The following XKR6 variants were observed in gnomAD, a reference collection of about 807,000 sequenced individuals.
XKR6 encodes the protein XK related 6, also known as XK-related protein 6.
A neutral mutation model predicts 56.7 loss-of-function variants in XKR6; 22 were observed. The observed-to-expected ratio is 0.39, with a 90% confidence interval of 0.28 to 0.55. XKR6 has a LOEUF of 0.55. Among genes scored for constraint, XKR6 ranks in the 20% least tolerant of loss-of-function variants. XKR6 has a pLI of 0.66. For missense variants in XKR6, 852 were observed against 889.0 expected (o/e 0.96, Z 0.53); for synonymous variants, 524 against 387.8 (o/e 1.35, Z -4.13).
intron 1 of XKR6, among the ~76,000 whole-genome samples, chr8:11,172,655 G>T (rs1475895316): frequency 6.6e-6 from 1 of 152,168 alleles, no homozygotes. Context: ...AATTGGTAAT[G>T]TAGAAAGGAG....
At chr8:10,905,505 A>T (rs1278110510) in intron 2 of XKR6, among the ~76,000 whole-genome samples, 1 of 152,180 alleles carries the variant, frequency 6.6e-6, no homozygotes, top group African/African-American at 2.4e-5. Context: ...ATGTGGCCAC[A>T]GCCATATCCT....
chr8:10,995,445 T>G (rs980856492), intron 1 of XKR6, among the ~76,000 whole-genome samples: 1 of 147,514 alleles, frequency 6.8e-6, no homozygotes, highest in East Asian at 1.9e-4. Flanking sequence ...ACCCTATATC[T>G]AATATATATA....
intron 1 of XKR6, among the ~76,000 whole-genome samples, chr8:10,972,019 C>T (rs1240591678): frequency 6.6e-6 from 1 of 152,186 alleles, no homozygotes; most frequent in South Asian, 2.1e-4. Context: ...GGACCCTAGC[C>T]CCAGAAGTGA....
intron 1 of XKR6, among the ~76,000 whole-genome samples, chr8:11,170,328 A>T (rs77529812): frequency 0.031 from 4,754 of 152,344 alleles, 264 homozygotes; most frequent in African/African-American, 0.11. Flanking sequence ...AAAAGGATGA[A>T]CAAAATGTGG....
At chr8:11,060,450 C>T (rs148225875) in intron 1 of XKR6, among the ~76,000 whole-genome samples, 10 of 152,286 alleles carry the variant, frequency 6.6e-5, no homozygotes, top group Middle Eastern at 3.4e-3. Context: ...GCGCCACCCG[C>T]CGGGAACTAG....
At chr8:11,061,944 G>A (rs749264486) in intron 1 of XKR6, among the ~76,000 whole-genome samples, 3 of 152,134 alleles carry the variant, frequency 2.0e-5, no homozygotes, top group African/African-American at 4.8e-5. Context: ...TGTGTCCCTC[G>A]GCTGGCCCTG....
At chr8:11,133,128 G>T (rs1029732945) in intron 1 of XKR6, among the ~76,000 whole-genome samples, 2 of 152,152 alleles carry the variant, frequency 1.3e-5, no homozygotes, top group African/African-American at 4.8e-5. Flanking sequence ...GCATACAAGG[G>T]AGAGGGTGTG....
chr8:11,187,995 TAC>T (rs1353463377), intron 1 of XKR6, among the ~76,000 whole-genome samples: 4 of 152,218 alleles, frequency 2.6e-5, no homozygotes, highest in Admixed American at 6.5e-5. Context: ...CTTACAAAGT[TAC>T]ATAGTTTTAA....
At chr8:10,913,817 C>A (rs192668129) in intron 2 of XKR6, among the ~76,000 whole-genome samples, 5 of 152,210 alleles carry the variant, frequency 3.3e-5, no homozygotes, top group African/African-American at 1.2e-4. Context: ...ACCCAAAGTC[C>A]TTGGTGACTG....
intron 1 of XKR6, among the ~76,000 whole-genome samples, chr8:10,964,233 G>C (rs925200009): frequency 6.6e-6 from 1 of 152,190 alleles, no homozygotes; most frequent in Non-Finnish European, 1.5e-5. Flanking sequence ...GGTTGTGGGA[G>C]AAATGAATGG....
chr8:11,131,910 T>C (rs1800121969), intron 1 of XKR6, among the ~76,000 whole-genome samples: 1 of 152,182 alleles, frequency 6.6e-6, no homozygotes. Context: ...TTTGTGTATG[T>C]CAGTCCATGA....
At chr8:11,143,724 A>G (rs1203328333) in intron 1 of XKR6, among the ~76,000 whole-genome samples, 1 of 152,182 alleles carries the variant, frequency 6.6e-6, no homozygotes, top group Non-Finnish European at 1.5e-5. Context: ...GGGAGTTTCT[A>G]ATTTCCTGCT....
chr8:11,180,129 G>A (rs1802891147), intron 1 of XKR6, among the ~76,000 whole-genome samples: 1 of 152,108 alleles, frequency 6.6e-6, no homozygotes, highest in African/African-American at 2.4e-5. Flanking sequence ...GACAGACTGA[G>A]ACCCTGTCTC....
chr8:10,983,868 G>T (rs1053081123), intron 1 of XKR6, among the ~76,000 whole-genome samples: 17 of 152,036 alleles, frequency 1.1e-4, no homozygotes, highest in African/African-American at 4.1e-4. Context: ...TGTTAGCCAG[G>T]ATGGTCTTGA....
At chr8:11,085,986 C>A (rs1303243779) in intron 1 of XKR6, among the ~76,000 whole-genome samples, 1 of 152,074 alleles carries the variant, frequency 6.6e-6, no homozygotes, top group Non-Finnish European at 1.5e-5. Context: ...GAGAATCACT[C>A]ACTTAAGCTC....
chr8:11,007,302 T>C (rs1221443304), intron 1 of XKR6, among the ~76,000 whole-genome samples: 1 of 152,312 alleles, frequency 6.6e-6, no homozygotes, highest in East Asian at 1.9e-4. Flanking sequence ...TGCCTTTGTT[T>C]TTGAGCCTCT....
Position 10,898,581 on chromosome 8 carries a change from C to T in XKR6, c.1297G>A (p.Val433Ile), listed in dbSNP as rs371871250. The change falls in exon 3 of 3, where the codon GTC becomes ATC. Residue 433 changes from valine (V) to isoleucine (I), a missense_variant. Coordinates refer to ENST00000416569, the MANE Select transcript of XKR6 (RefSeq NM_173683.4). This position sits in a 1 kb window ranked among gnomAD's most constrained non-coding sequence, Gnocchi z 6.6. ...GIVYIFCWFN[V>I]KEGRTRYRMF... is the part of the protein sequence containing the mutation. ...CGATATCGAGTCCGCCCTTCCTTGA[C>T]GTTAAACCAGCAGAAAATGTACACG... 9.9e-6 allele frequency: 16 copies of T among 1,613,986 alleles called. No homozygotes were observed. The highest frequency in any genetic ancestry group is 4.0e-5 in the African/African-American group (3 of 74,914).
chr8:11,052,462 C>T (rs911373519), intron 1 of XKR6, among the ~76,000 whole-genome samples: 9 of 152,312 alleles, frequency 5.9e-5, no homozygotes, highest in East Asian at 1.9e-4. Flanking sequence ...GTGGAATCTC[C>T]CGGACCGACA....
At chr8:10,984,543 G>C (rs1308128269) in intron 1 of XKR6, among the ~76,000 whole-genome samples, 1 of 151,816 alleles carries the variant, frequency 6.6e-6, no homozygotes, top group Non-Finnish European at 1.5e-5. Context: ...ATTGTTTTCA[G>C]GGGAAAGAGT....
Sources: allele counts gnomAD v4.1 joint callset (sites outside exome capture counted in the v4.1 genomes callset), GRCh38; gene constraint gnomAD v4.1.1; non-coding constraint Gnocchi (gnomAD v3.1); transcripts MANE v1.5; gene names NCBI Gene and HGNC (gene_info 2026-07-23, HGNC 2026-07-21).